MBD5: variants seen among roughly 807,000 people sequenced by gnomAD.
MBD5 encodes the protein methyl-CpG binding domain protein 5.
Under a neutral mutation model 117.3 loss-of-function variants are expected in MBD5, and 13 were observed. The ratio of observed to expected loss-of-function variants is 0.11; its 90% confidence interval spans 0.07 to 0.18. The LOEUF is 0.18. Among genes scored for constraint, MBD5 ranks in the 10% least tolerant of loss-of-function variants. The pLI, the probability that MBD5 is intolerant of heterozygous loss-of-function variation, is 1.00. For synonymous variants in MBD5, 727 were observed against 766.4 expected (o/e 0.95, Z 0.85); for missense variants, 1,879 against 2,093.8 (o/e 0.90, Z 2.00).
At chr2:148,292,777 T>A (rs1701528275) in intron 3 of MBD5, among the ~76,000 whole-genome samples, 1 of 152,100 alleles carries the variant, frequency 6.6e-6, no homozygotes, top group Admixed American at 6.6e-5. Context: ...CTCCCAAGTT[T>A]GTTGCAGCAC....
chr2:148,149,842 C>T (rs1368930513), intron 1 of MBD5, among the ~76,000 whole-genome samples: 2 of 150,040 alleles, frequency 1.3e-5, no homozygotes, highest in Non-Finnish European at 3.0e-5. Context: ...GGATATTAGC[C>T]CTTTGTCAGA....
chr2:148,491,025 G>A (rs1681509175), intron 11 of MBD5, among the ~76,000 whole-genome samples: 1 of 152,176 alleles, frequency 6.6e-6, no homozygotes, highest in Non-Finnish European at 1.5e-5. Context: ...GCCAGGGGAC[G>A]GCATCTCCTC....
intron 3 of MBD5, among the ~76,000 whole-genome samples, chr2:148,289,641 A>G (rs906192852): frequency 6.6e-6 from 1 of 152,246 alleles, no homozygotes; most frequent in African/African-American, 2.4e-5. Context: ...AACATTATTT[A>G]TAATAACTAA....
intron 1 of MBD5, among the ~76,000 whole-genome samples, chr2:148,063,992 C>T (rs1573971880): frequency 6.6e-6 from 1 of 152,164 alleles, no homozygotes; most frequent in East Asian, 1.9e-4. Flanking sequence ...ATGTCTAATA[C>T]TAGCAAACTT....
intron 11 of MBD5, among the ~76,000 whole-genome samples, chr2:148,492,763 A>C (rs972463426): frequency 6.6e-5 from 10 of 151,978 alleles, no homozygotes; most frequent in Admixed American, 2.0e-4. Context: ...GTAAAAATTC[A>C]AACAGAGGTC....
intron 4 of MBD5, among the ~76,000 whole-genome samples, chr2:148,359,665 C>T (rs1290235700): frequency 6.6e-6 from 1 of 152,084 alleles, no homozygotes. Flanking sequence ...TTGTTTATAG[C>T]CAGTTCTATA....
At chr2:148,032,913 TA>T (rs1397598821) in intron 1 of MBD5, among the ~76,000 whole-genome samples, 3 of 152,040 alleles carry the variant, frequency 2.0e-5, no homozygotes, top group African/African-American at 7.2e-5. Flanking sequence ...GGAAGGAGAT[TA>T]AAAGTTATGT....
chr2:148,376,558 C>T (rs1489132147), intron 4 of MBD5, among the ~76,000 whole-genome samples: 1 of 150,000 alleles, frequency 6.7e-6, no homozygotes, highest in East Asian at 1.9e-4. Flanking sequence ...TGAGCCACCG[C>T]GCCCGGCCAA....
chr2:148,069,745 G>A (rs578060386), intron 1 of MBD5, among the ~76,000 whole-genome samples: 1 of 152,046 alleles, frequency 6.6e-6, no homozygotes, highest in East Asian at 1.9e-4. Context: ...TCTTTACATT[G>A]GCATAGCACT....
intron 4 of MBD5, among the ~76,000 whole-genome samples, chr2:148,392,644 T>G (rs1431890279): frequency 6.6e-6 from 1 of 152,190 alleles, no homozygotes; most frequent in African/African-American, 2.4e-5. Context: ...ATGCCTTTAT[T>G]TAAATCAAAC....
intron 2 of MBD5, among the ~76,000 whole-genome samples, chr2:148,184,023 A>AT (rs11404995): frequency 0.38 from 52,860 of 140,906 alleles, 9,973 homozygotes; most frequent in Middle Eastern, 0.48. Flanking sequence ...ATCCTTCTTA[A>AT]TTTTTTTTTT....
intron 4 of MBD5, among the ~76,000 whole-genome samples, chr2:148,386,937 A>G (rs905172638): frequency 1.3e-5 from 2 of 152,128 alleles, no homozygotes; most frequent in African/African-American, 2.4e-5. Flanking sequence ...ACTAAAAAAT[A>G]AAAAGCTTCA....
intron 4 of MBD5, among the ~76,000 whole-genome samples, chr2:148,414,258 T>C (rs1705355720): frequency 6.6e-6 from 1 of 152,194 alleles, no homozygotes; most frequent in Non-Finnish European, 1.5e-5. Flanking sequence ...TTAATTTCCA[T>C]GAAATTTTGT....
At chr2:148,131,867 A>T (rs1298355637) in intron 1 of MBD5, among the ~76,000 whole-genome samples, 1 of 152,172 alleles carries the variant, frequency 6.6e-6, no homozygotes, top group Admixed American at 6.6e-5. Flanking sequence ...GTGGGATGTT[A>T]TCATCTTTTC....
chr2:148,493,143 T>G (rs951994141), intron 11 of MBD5, among the ~76,000 whole-genome samples: 1 of 152,228 alleles, frequency 6.6e-6, no homozygotes, highest in African/African-American at 2.4e-5. Context: ...AGTAAAACTT[T>G]TCTCATTCCG....
At chr2:148,486,105 C>G (rs1356570817) in intron 10 of MBD5, among the ~76,000 whole-genome samples, 155 bp downstream of exon 10, 2 of 152,168 alleles carry the variant, frequency 1.3e-5, no homozygotes, top group East Asian at 3.8e-4. Flanking sequence ...ACATTCCAGT[C>G]TTTTGTGTGA....
chr2:148,449,254 T>G (rs1706655528), intron 4 of MBD5, among the ~76,000 whole-genome samples: 1 of 152,084 alleles, frequency 6.6e-6, no homozygotes, highest in East Asian at 1.9e-4. Flanking sequence ...TTTCCACACA[T>G]GCATATAGAC....
chr2:148,429,863 G>A lies in MBD5; in HGVS notation c.-556-28340G>A, dbSNP rs567690011. Among the ~76,000 whole-genome samples, 231 of 152,184 alleles carry A rather than the reference G, an allele frequency of 1.5e-3. 1 individual carries two copies. Among genetic ancestry groups the A allele is most frequent in the African/African-American group, 5.2e-3 (217 of 41,510 alleles). ...GCCTGTCATGGGGTGGGGGGCTGGC[G>A]GAGGATAGCATTAAGAGAAATACCT... On this transcript the variant is annotated intron_variant, in intron 4 of 13. Transcript: ENST00000642680.
chr2:148,333,813 A>G (rs1157267376), intron 3 of MBD5, among the ~76,000 whole-genome samples: 1 of 151,902 alleles, frequency 6.6e-6, no homozygotes, highest in East Asian at 1.9e-4. Flanking sequence ...AGCTGAGATC[A>G]CACCACTGCA....
Sources: gnomAD v4.1 joint callset for allele counts (sites outside exome capture counted in the v4.1 genomes callset) on GRCh38, gnomAD v4.1.1 for gene constraint, MANE v1.5 for transcripts, NCBI Gene and HGNC (gene_info 2026-07-23, HGNC 2026-07-21) for gene names.